Variants in GPC3 observed in about 807,000 individuals in gnomAD.
GPC3 encodes the protein glypican-3.
A neutral mutation model predicts 34.4 loss-of-function variants in GPC3; 3 were observed. That is an observed-to-expected ratio of 0.09 (90% CI 0.04 to 0.23). The LOEUF (loss-of-function observed/expected upper bound fraction) is 0.23. Among genes scored for constraint, GPC3 ranks in the 10% least tolerant of loss-of-function variants. GPC3 has a pLI of 1.00. For missense variants in GPC3, 351 were observed against 445.6 expected (o/e 0.79, Z 1.91); for synonymous variants, 177 against 174.0 (o/e 1.02, Z -0.13).
At chrX:133,627,134 G>A (rs5930624) in intron 6 of GPC3, among the ~76,000 whole-genome samples, 88 of 86,646 alleles carry the variant, frequency 1.0e-3, no homozygotes, top group Admixed American at 4.4e-3. Context: ...TGGACACAGG[G>A]TGGGGAACAT....
At chrX:133,650,990 TC>T (rs2070595908) in intron 6 of GPC3, among the ~76,000 whole-genome samples, 1 of 110,762 alleles carries the variant, frequency 9.0e-6, no homozygotes, top group South Asian at 3.9e-4. Flanking sequence ...CTTTGTTCTT[TC>T]CCCCAAACTA....
intron 2 of GPC3, among the ~76,000 whole-genome samples, chrX:133,894,063 G>A (rs975453652): frequency 9.0e-6 from 1 of 111,102 alleles, no homozygotes; most frequent in South Asian, 3.9e-4. Context: ...GGCTGGTCTC[G>A]AACTCCTGAA....
At chrX:133,615,425 G>A (rs772041871) in intron 6 of GPC3, among the ~76,000 whole-genome samples, 1 of 111,211 alleles carries the variant, frequency 9.0e-6, no homozygotes, top group East Asian at 2.8e-4. Flanking sequence ...TATATTCATA[G>A]AAATATATTA....
intron 3 of GPC3, among the ~76,000 whole-genome samples, chrX:133,734,618 A>C (rs2071492814): frequency 9.0e-6 from 1 of 111,167 alleles, no homozygotes; most frequent in African/African-American, 3.3e-5. Flanking sequence ...AGAAAAAGAA[A>C]GAAAATGCAT....
chrX:133,719,033 C>G (rs2071338319), intron 3 of GPC3, among the ~76,000 whole-genome samples: 1 of 110,761 alleles, frequency 9.0e-6, no homozygotes, highest in African/African-American at 3.3e-5. Flanking sequence ...ATGGATAGTT[C>G]AAACAACTAG....
At chrX:133,695,771 A>G (rs1395210746) in intron 4 of GPC3, among the ~76,000 whole-genome samples, 1 of 112,562 alleles carries the variant, frequency 8.9e-6, no homozygotes, top group Non-Finnish European at 1.9e-5. Flanking sequence ...GAAAATAAAG[A>G]AAGATAGAAA....
At chrX:133,700,111 C>G in intron 3 of GPC3, 83 bp from the exon 4 acceptor site, 1 of 746,241 alleles carries the variant, frequency 1.3e-6, no homozygotes, top group Non-Finnish European at 2.1e-6. Flanking sequence ...ACTTCAATTT[C>G]TTCCCCCAAT....
At chrX:133,589,800 A>G (rs2069829316) in intron 7 of GPC3, among the ~76,000 whole-genome samples, 1 of 111,729 alleles carries the variant, frequency 9.0e-6, no homozygotes, top group South Asian at 3.8e-4. Flanking sequence ...CAATCGGTTT[A>G]AGCCCTAAGC....
At chrX:133,557,202 G>A (rs900025899) in intron 7 of GPC3, among the ~76,000 whole-genome samples, 3 of 111,047 alleles carry the variant, frequency 2.7e-5, no homozygotes, top group Non-Finnish European at 5.7e-5. Flanking sequence ...GCTGAGGCAG[G>A]AGAATGGCGT....
Position 133,632,103 on chromosome X carries a change from T to TA in GPC3, c.1413+29626_1413+29627insT, listed in dbSNP as rs200996047. Among the ~76,000 whole-genome samples, 936 of 110,392 alleles carry TA rather than the reference T, an allele frequency of 8.5e-3. 11 individuals are homozygous for TA. Among genetic ancestry groups the TA allele is most frequent in the African/African-American group, 0.028 (858 of 30,295 alleles). On this transcript the variant is annotated intron_variant, in intron 6 of 7. Transcript: ENST00000370818. ...TAACATTTACCACTTTAAAAATTTT[T>TA]TAAAAAATTTTTTTGAGACAGTGTC...
chrX:133,914,795 T>C (rs1371102534), intron 2 of GPC3, among the ~76,000 whole-genome samples: 2 of 107,052 alleles, frequency 1.9e-5, no homozygotes, highest in Non-Finnish European at 1.9e-5. Flanking sequence ...ATTTCTTTTT[T>C]GTAGCAAAAG....
intron 3 of GPC3, among the ~76,000 whole-genome samples, chrX:133,724,750 A>G (rs978960299): frequency 8.9e-6 from 1 of 111,847 alleles, no homozygotes; most frequent in Non-Finnish European, 1.9e-5. Flanking sequence ...GACTAGTGAA[A>G]GGAATGGGAA....
At position 133,911,972 on chromosome X, in the gene GPC3, C is replaced by A. The variant is rs764515737; in HGVS notation, c.337+41078G>T. On this transcript the variant is annotated intron_variant, in intron 2 of 7. Coordinates refer to ENST00000370818, the MANE Select transcript of GPC3 (RefSeq NM_004484.4). ...TATGCCACACAGAAATGAAAGCTGA[C>A]CCTCACTGATGGGCATTTGGGCCTT... is the stretch of plus-strand genomic sequence containing the variant. Among the ~76,000 whole-genome samples, 5 of 111,971 alleles carry A rather than the reference C, an allele frequency of 4.5e-5. No individual in the cohort carries two copies. In the East Asian group the frequency reaches 1.4e-3, roughly 31 times the overall value.
At chrX:133,722,646 A>C (rs2071378375) in intron 3 of GPC3, among the ~76,000 whole-genome samples, 1 of 111,972 alleles carries the variant, frequency 8.9e-6, no homozygotes. Context: ...TGCTGTTGCA[A>C]AATTGCTCTG....
At chrX:133,602,021 G>C (rs2069987073) in intron 6 of GPC3, among the ~76,000 whole-genome samples, 1 of 111,825 alleles carries the variant, frequency 8.9e-6, no homozygotes, top group Non-Finnish European at 1.9e-5. Flanking sequence ...AACCTATAAT[G>C]TCTATCAACA....
intron 2 of GPC3, among the ~76,000 whole-genome samples, chrX:133,933,928 G>A (rs1219659423): frequency 3.0e-5 from 3 of 99,804 alleles, no homozygotes; most frequent in Non-Finnish European, 4.0e-5. Context: ...GCAGTGACAC[G>A]ATCTCAGCTC....
chrX:133,672,073 A>G (rs2070831777), intron 5 of GPC3, among the ~76,000 whole-genome samples: 1 of 111,837 alleles, frequency 8.9e-6, no homozygotes, highest in Non-Finnish European at 1.9e-5. Flanking sequence ...CCAGAGAAGC[A>G]AAGAATATTT....
intron 2 of GPC3, chrX:133,763,763 A>C (rs2071821434): frequency 4.4e-6 from 2 of 452,041 alleles, no homozygotes; most frequent in Non-Finnish European, 7.8e-6. Flanking sequence ...AAAAAAGTCA[A>C]AAAACAACAG....
intron 2 of GPC3, among the ~76,000 whole-genome samples, chrX:133,928,555 G>A (rs1433688571): frequency 1.8e-5 from 2 of 111,706 alleles, no homozygotes; most frequent in Non-Finnish European, 3.8e-5. Context: ...TCCATCAGCA[G>A]TGTGCAAGGG....
Sources: gnomAD v4.1 joint callset for allele counts (sites outside exome capture counted in the v4.1 genomes callset) on GRCh38, gnomAD v4.1.1 for gene constraint, MANE v1.5 for transcripts, NCBI Gene and HGNC (gene_info 2026-07-23, HGNC 2026-07-21) for gene names.